TIMP2: variants seen among roughly 807,000 people sequenced by gnomAD.
TIMP2 encodes the protein TIMP metallopeptidase inhibitor 2.
TIMP2 carries 5 observed loss-of-function variants against 24.3 expected under a neutral mutation model. The observed-to-expected ratio is 0.21, with a 90% CI of 0.11 to 0.43. The LOEUF (loss-of-function observed/expected upper bound fraction) is 0.43. Ranked by LOEUF, TIMP2 falls within the 20% of genes least tolerant of loss-of-function variation. The pLI is 1.00. For missense variants in TIMP2, 221 were observed against 297.5 expected (o/e 0.74, Z 1.89); for synonymous variants, 130 against 123.2 (o/e 1.06, Z -0.37).
At chr17:78,881,711 A>G (rs1458756656) in intron 1 of TIMP2, among the ~76,000 whole-genome samples, 1 of 152,246 alleles carries the variant, frequency 6.6e-6, no homozygotes, top group Non-Finnish European at 1.5e-5. Context: ...GGAGGATCCA[A>G]TGGCAGTTGC....
chr17:78,882,750 C>T (rs1469163166), intron 1 of TIMP2, among the ~76,000 whole-genome samples: 4 of 152,254 alleles, frequency 2.6e-5, no homozygotes, highest in African/African-American at 4.8e-5. Flanking sequence ...TTGGAGGCCA[C>T]GCCTCTCCCA....
Position 78,870,914 on chromosome 17 carries a change from C to T in TIMP2, c.324G>A (p.Lys108=), listed in dbSNP as rs1327157119. Reference sequence around the variant, plus strand: ...CATACACACCTGCAATGAGATATTCCTTCTTTCCTCCAACGTCCAGCGAGA... The same window carrying T: ...CATACACACCTGCAATGAGATATTCTTTCTTTCCTCCAACGTCCAGCGAGA... ...CGVSLDVGGK[K]EYLIAGKAEG... The change falls in exon 3 of 5, where the codon AAG becomes AAA. Residue 108 remains lysine (K), a synonymous_variant. Transcript: ENST00000262768. 6.2e-7 allele frequency: 1 copy of T among 1,613,828 alleles called. No homozygotes were observed. Among genetic ancestry groups the T allele is most frequent in the Non-Finnish European group, 8.5e-7 (1 of 1,179,878 alleles).
At chr17:78,902,775 C>A (rs1051657280) in intron 1 of TIMP2, 4 of 152,280 alleles carry the variant, frequency 2.6e-5, no homozygotes, top group African/African-American at 4.8e-5. Flanking sequence ...CGCTTCCCTG[C>A]AAACCTCAAG....
chr17:78,887,541 CG>C (rs1203536569), intron 1 of TIMP2, among the ~76,000 whole-genome samples: 15 of 152,150 alleles, frequency 9.9e-5, no homozygotes, highest in Non-Finnish European at 2.2e-4. Context: ...CGCGCCGCCA[CG>C]CCCGGCTAAT....
intron 2 of TIMP2, among the ~76,000 whole-genome samples, chr17:78,871,940 A>G (rs1024068659): frequency 6.6e-6 from 1 of 151,766 alleles, no homozygotes; most frequent in African/African-American, 2.4e-5. Context: ...TTCTGAATCT[A>G]TGGGGAGGGG....
chr17:78,873,925 A>C lies in TIMP2; in HGVS notation c.131-6T>G. On this transcript the variant is annotated splice_region_variant and splice_polypyrimidine_tract_variant and intron_variant, in intron 1 of 4. Coordinates refer to ENST00000262768, the MANE Select transcript of TIMP2 (RefSeq NM_003255.5). ...GACCGCTTTGGCCCTGATCACTGCA[A>C]AACACAAGACACAGAGGTGAGGAGA... The C allele has an allele frequency of 6.2e-7, 1 of 1,612,728 alleles. No homozygotes were observed. Among genetic ancestry groups the C allele is most frequent in the African/African-American group, 1.3e-5 (1 of 75,018 alleles).
chr17:78,884,127 G>GTGGTCC lies in TIMP2; in HGVS notation c.131-10209_131-10208insGGACCA, dbSNP rs1207797833. ...CCGGAGCAGGGACAGGAGCAGGACC[G>GTGGTCC]TGCAGGGCAGGAGGCAGAGGGAGCC... On this transcript the variant is annotated intron_variant, in intron 1 of 4. Transcript: ENST00000262768. Among the ~76,000 whole-genome samples the GTGGTCC allele has an allele frequency of 3.3e-5, 5 of 152,320 alleles. No homozygotes were observed. In the South Asian group the frequency reaches 8.3e-4, roughly 25 times the overall value.
At chr17:78,859,488 C>T (rs2069551430) in intron 3 of TIMP2, among the ~76,000 whole-genome samples, 1 of 151,916 alleles carries the variant, frequency 6.6e-6, no homozygotes. Context: ...GGCGAAACCC[C>T]GTCTCTACTA....
chr17:78,857,711 C>A, intron 3 of TIMP2, 65 bp from the exon 4 acceptor site: 1 of 1,605,136 alleles, frequency 6.2e-7, no homozygotes. Context: ...CCCAGCTCCT[C>A]CACCCGGCGC....
chr17:78,897,734 G>A (rs2070025950), intron 1 of TIMP2: 2 of 152,214 alleles, frequency 1.3e-5, no homozygotes, highest in South Asian at 2.1e-4. Context: ...GGCATGAACT[G>A]GCCCCTCCAG....
chr17:78,861,357 C>A, intron 3 of TIMP2, among the ~76,000 whole-genome samples: 1 of 152,178 alleles, frequency 6.6e-6, no homozygotes, highest in Non-Finnish European at 1.5e-5. Flanking sequence ...CTGCATCTCG[C>A]TCCTTAATCA....
intron 3 of TIMP2, among the ~76,000 whole-genome samples, chr17:78,866,519 G>A (rs117816698): frequency 4.9e-5 from 4 of 81,028 alleles, no homozygotes; most frequent in Admixed American, 4.9e-4. Flanking sequence ...CCCCACCCCC[G>A]ACCCCACCAA....
In TIMP2 at chr17:78,896,486, G is replaced by A. The variant is rs7217012; in HGVS notation, c.131-22567C>T. On this transcript the variant is annotated intron_variant, in intron 1 of 4. Transcript: ENST00000262768. The surrounding 1 kb of genome is among the most constrained non-coding windows in gnomAD (Gnocchi z 4.4). ...CCCTCGCTACAGCTCCCCTCCCAGA[G>A]GCACCTGCCCTCTCTGGTTGCTTAG... Among the ~76,000 whole-genome samples the A allele has an allele frequency of 0.075, 11,445 of 152,172 alleles. 1,361 individuals carry two copies. Among genetic ancestry groups the A allele is most frequent in the African/African-American group, 0.26 (10,644 of 41,440 alleles).
chr17:78,923,313 C>T (rs867680051), intron 1 of TIMP2, among the ~76,000 whole-genome samples: 13 of 150,796 alleles, frequency 8.6e-5, no homozygotes, highest in African/African-American at 3.2e-4. Flanking sequence ...GCTCAGTGGC[C>T]GCCTTAACTT....
chr17:78,873,462 G>A (rs2069703072), intron 2 of TIMP2, among the ~76,000 whole-genome samples: 2 of 151,986 alleles, frequency 1.3e-5, no homozygotes, highest in African/African-American at 4.8e-5. Context: ...TACCATGCCT[G>A]GCTGGTTTTT....
At position 78,855,534 on chromosome 17, in the gene TIMP2, G is replaced by T; in HGVS notation, c.*133C>A. On this transcript the variant is annotated 3_prime_UTR_variant, in exon 5 of 5. Transcript: ENST00000262768. The surrounding 1 kb of genome is among the most constrained non-coding windows in gnomAD (Gnocchi z 6.0). ...TGTCTAAAAGGAGAAGGGGGGAGCA[G>T]AATCATATTAATTTGGACCCATGGG... is the stretch of plus-strand genomic sequence containing the variant. 9.3e-7 allele frequency: 1 copy of T among 1,072,604 alleles called. No individual in the cohort carries two copies. The highest frequency in any genetic ancestry group is 1.3e-6 in the Non-Finnish European group (1 of 753,344). The allele number at this position is 1,072,604 out of a possible 1,614,324, so 66.4% of individuals were successfully genotyped here.
chr17:78,892,254 G>A (rs549504220), intron 1 of TIMP2: 1 of 1,550,880 alleles, frequency 6.4e-7, no homozygotes, highest in Non-Finnish European at 8.7e-7. Context: ...CCCCGGGCTT[G>A]TAGCAATTTG....
At chr17:78,886,573 T>C (rs74471266) in intron 1 of TIMP2, among the ~76,000 whole-genome samples, 1,579 of 152,146 alleles carry the variant, frequency 0.01, 21 homozygotes, top group African/African-American at 0.036. Context: ...GAGAAATCTA[T>C]GTGGCTTTTG....
intron 1 of TIMP2, among the ~76,000 whole-genome samples, chr17:78,915,343 C>T (rs769865131): frequency 3.9e-5 from 6 of 152,158 alleles, no homozygotes; most frequent in Non-Finnish European, 7.3e-5. Context: ...GACAGGCAAA[C>T]CTCATGAACA....
Sources: gnomAD v4.1 joint callset for allele counts (sites outside exome capture counted in the v4.1 genomes callset) on GRCh38, gnomAD v4.1.1 for gene constraint, Gnocchi (gnomAD v3.1) non-coding constraint, MANE v1.5 for transcripts, NCBI Gene and HGNC (gene_info 2026-07-23, HGNC 2026-07-21) for gene names.